FSD1L: variants seen among roughly 807,000 people sequenced by gnomAD.
FSD1L encodes fibronectin type III and SPRY domain containing 1 like.
In FSD1L, 45 loss-of-function variants were observed where a neutral mutation model predicts 71.6. That is an observed-to-expected ratio of 0.63 (90% CI 0.49 to 0.81). The LOEUF is 0.81. FSD1L is among the 30% of genes least tolerant of loss of function. The probability of loss-of-function intolerance (pLI) is 0.00; values close to 1 mark genes in which losing one functional copy is unlikely to be tolerated. For missense variants in FSD1L, 561 were observed against 618.1 expected (o/e 0.91, Z 0.98); for synonymous variants, 197 against 207.2 (o/e 0.95, Z 0.42).
chr9:105,494,125 C>CT (rs1164594328), intron 7 of FSD1L, among the ~76,000 whole-genome samples: 9 of 152,212 alleles, frequency 5.9e-5, no homozygotes, highest in Non-Finnish European at 1.2e-4. Context: ...CTCCCCGTCA[C>CT]TTTCAGGTAC....
chr9:105,502,808 T>C (rs1340859597), intron 7 of FSD1L, among the ~76,000 whole-genome samples: 1 of 150,880 alleles, frequency 6.6e-6, no homozygotes, highest in Non-Finnish European at 1.5e-5. Flanking sequence ...CCCTTTTTGG[T>C]AAAATGAGGT....
chr9:105,458,931 AT>A (rs1336213445), intron 1 of FSD1L, among the ~76,000 whole-genome samples: 1 of 152,232 alleles, frequency 6.6e-6, no homozygotes, highest in Non-Finnish European at 1.5e-5. Flanking sequence ...TCTTGATTAA[AT>A]TTGGAGGTCC....
intron 1 of FSD1L, among the ~76,000 whole-genome samples, chr9:105,451,696 T>C (rs1361870589): frequency 6.6e-6 from 1 of 152,252 alleles, no homozygotes; most frequent in Non-Finnish European, 1.5e-5. Flanking sequence ...TTTTGTTTGA[T>C]ACTCAAACCT....
chr9:105,470,779 A>G (rs1831402623), intron 4 of FSD1L, among the ~76,000 whole-genome samples: 1 of 152,216 alleles, frequency 6.6e-6, no homozygotes, highest in Non-Finnish European at 1.5e-5. Context: ...TTACTTAAAT[A>G]ATTCAAGGAT....
At chr9:105,490,017 C>A (rs978537231) in intron 7 of FSD1L, among the ~76,000 whole-genome samples, 4 of 152,084 alleles carry the variant, frequency 2.6e-5, no homozygotes, top group African/African-American at 9.7e-5. Context: ...TGGGTATATA[C>A]CCAGTAATGG....
chr9:105,472,196 T>G (rs1166968758), intron 5 of FSD1L, 191 bp downstream of exon 5: 1 of 595,504 alleles, frequency 1.7e-6, no homozygotes, highest in Non-Finnish European at 2.6e-6. Flanking sequence ...GTCTTTAGGG[T>G]CATCAACAAA....
At chr9:105,525,345 T>G in intron 10 of FSD1L, 4 of 1,592,532 alleles carry the variant, frequency 2.5e-6, no homozygotes, top group Non-Finnish European at 3.4e-6. Flanking sequence ...TACAGAGAAC[T>G]GGAATCTCAC....
At chr9:105,523,440 G>A (rs1835310821) in intron 10 of FSD1L, 2 of 1,606,512 alleles carry the variant, frequency 1.2e-6, no homozygotes, top group Admixed American at 3.3e-5. Flanking sequence ...TGTTGCTACT[G>A]TAATGTGGCG....
At chr9:105,530,193 G>T (rs1247257597) in intron 10 of FSD1L, among the ~76,000 whole-genome samples, 1 of 152,164 alleles carries the variant, frequency 6.6e-6, no homozygotes. Flanking sequence ...GGACAGTAAA[G>T]AAATTATTTG....
intron 5 of FSD1L, among the ~76,000 whole-genome samples, chr9:105,473,706 G>T (rs1831617338): frequency 6.6e-6 from 1 of 152,164 alleles, no homozygotes; most frequent in African/African-American, 2.4e-5. Flanking sequence ...CTTGAATCCA[G>T]TTGATTTAAG....
chr9:105,523,801 T>G lies in FSD1L; in HGVS notation c.1026-10692T>G, dbSNP rs1461376644. The stretch of plus-strand genomic sequence containing the variant: ...ATAATGCATTGTGGATTACTTCATA[T>G]TGACCAGGATATTGTCAATACAATC... On this transcript the variant is annotated intron_variant, in intron 10 of 13. Transcript: ENST00000481272. The G allele has an allele frequency of 3.1e-6, 5 of 1,600,906 alleles. No homozygotes were observed. The Admixed American group carries it at 8.3e-5, about 27-fold the overall frequency.
intron 2 of FSD1L, among the ~76,000 whole-genome samples, chr9:105,462,974 C>G (rs537688971): frequency 1.3e-5 from 2 of 151,136 alleles, no homozygotes; most frequent in African/African-American, 2.4e-5. Flanking sequence ...CCCGTCTCTA[C>G]TAAAAATGCA....
At chr9:105,490,067 G>A (rs1268677809) in intron 7 of FSD1L, among the ~76,000 whole-genome samples, 1 of 152,214 alleles carries the variant, frequency 6.6e-6, no homozygotes, top group Non-Finnish European at 1.5e-5. Flanking sequence ...CTAGATCCCT[G>A]AGGAATCACC....
At chr9:105,510,511 G>A (rs938015198) in intron 9 of FSD1L, among the ~76,000 whole-genome samples, 1 of 152,092 alleles carries the variant, frequency 6.6e-6, no homozygotes, top group African/African-American at 2.4e-5. Flanking sequence ...AGAAATTAGG[G>A]TATGGACAAA....
At chr9:105,453,654 A>G (rs1462044444) in intron 1 of FSD1L, among the ~76,000 whole-genome samples, 1 of 152,200 alleles carries the variant, frequency 6.6e-6, no homozygotes, top group Non-Finnish European at 1.5e-5. Context: ...ACTATATATA[A>G]TACAGATACA....
chr9:105,481,947 G>A (rs577212630), intron 6 of FSD1L, among the ~76,000 whole-genome samples: 2 of 152,006 alleles, frequency 1.3e-5, no homozygotes, highest in East Asian at 3.9e-4. Context: ...TAATTTTTTT[G>A]TATCTTTTGT....
At chr9:105,448,682 C>G (rs138634705) in intron 1 of FSD1L, among the ~76,000 whole-genome samples, 3 of 152,314 alleles carry the variant, frequency 2.0e-5, no homozygotes, top group Non-Finnish European at 4.4e-5. Context: ...CAAGTCTCGT[C>G]TCAGCACCAC....
intron 10 of FSD1L, chr9:105,521,106 G>C: frequency 3.1e-6 from 5 of 1,613,682 alleles, no homozygotes; most frequent in Admixed American, 1.7e-5. Flanking sequence ...AAAGAAAGAT[G>C]CTGAAACCAA....
chr9:105,525,112 T>C, intron 10 of FSD1L: 2 of 1,550,758 alleles, frequency 1.3e-6, no homozygotes, highest in South Asian at 2.5e-5. Flanking sequence ...CTCCTGTAAG[T>C]GGCTTGTCAG....
Sources: gnomAD v4.1 joint callset for allele counts (sites outside exome capture counted in the v4.1 genomes callset) on GRCh38, gnomAD v4.1.1 for gene constraint, MANE v1.5 for transcripts, NCBI Gene and HGNC (gene_info 2026-07-23, HGNC 2026-07-21) for gene names.